The following JAKMIP1 variants were observed in gnomAD, a reference collection of about 807,000 sequenced individuals.
JAKMIP1 encodes janus kinase and microtubule interacting protein 1, also known as janus kinase and microtubule-interacting protein 1.
Under a neutral mutation model 113.0 loss-of-function variants are expected in JAKMIP1, and 33 were observed. The ratio of observed to expected loss-of-function variants is 0.29; its 90% CI spans 0.22 to 0.39. JAKMIP1 has a LOEUF of 0.39. Among genes scored for constraint, JAKMIP1 ranks in the 10% least tolerant of loss-of-function variants. The pLI, the probability that JAKMIP1 is intolerant of heterozygous loss-of-function variation, is 1.00. For synonymous variants in JAKMIP1, 480 were observed against 459.9 expected, an observed-to-expected ratio of 1.04 and a Z score of -0.56; for missense variants, 813 against 1,080.5, an observed-to-expected ratio of 0.75 and a Z score of 3.47.
At chr4:6,029,316 T>G (rs960224351) in intron 20 of JAKMIP1, among the ~76,000 whole-genome samples, 1 of 152,342 alleles carries the variant, frequency 6.6e-6, no homozygotes, top group Non-Finnish European at 1.5e-5. Context: ...GCGACTGGTC[T>G]GGGGCTCATA....
chr4:6,028,945 T>C (rs1214249267), intron 20 of JAKMIP1, among the ~76,000 whole-genome samples: 1 of 152,226 alleles, frequency 6.6e-6, no homozygotes, highest in African/African-American at 2.4e-5. Context: ...CTGTCTTGAA[T>C]GAAGAGATGC....
intron 3 of JAKMIP1, among the ~76,000 whole-genome samples, chr4:6,090,757 G>A (rs76311184): frequency 2.0e-5 from 3 of 151,612 alleles, no homozygotes; most frequent in South Asian, 2.1e-4. Flanking sequence ...CTAGAGCATC[G>A]CTGCCCCAGG....
chr4:6,038,246 G>T (rs1463748106), intron 18 of JAKMIP1, among the ~76,000 whole-genome samples: 2 of 149,922 alleles, frequency 1.3e-5, no homozygotes, highest in Non-Finnish European at 3.0e-5. Context: ...CGAGGCAGAG[G>T]TTAACCCAGT....
At chr4:6,159,652 A>T (rs1474263387) in intron 1 of JAKMIP1, among the ~76,000 whole-genome samples, 1 of 152,234 alleles carries the variant, frequency 6.6e-6, no homozygotes, top group East Asian at 1.9e-4. Flanking sequence ...CACTCATCAC[A>T]TTGGCAAAAA....
At position 6,069,262 on chromosome 4, in the gene JAKMIP1, T is replaced by G. The variant is rs73073462; in HGVS notation, c.1303-4254A>C. Among the ~76,000 whole-genome samples the G allele has an allele frequency of 0.012, 1,767 of 152,292 alleles. 45 individuals carry two copies. Among genetic ancestry groups the G allele is most frequent in the African/African-American group, 0.04 (1,666 of 41,566 alleles). ...AAACATGAAAGAAACTTCATTTTTT[T>G]GTGTCTCCACTCTTCTAAGAGTCTC... On this transcript the variant is annotated intron_variant, in intron 8 of 20. Coordinates refer to ENST00000409021, the MANE Select transcript of JAKMIP1 (RefSeq NM_001099433.2). The surrounding 1 kb of genome is among the most constrained non-coding windows in gnomAD (Gnocchi z 4.5).
intron 1 of JAKMIP1, among the ~76,000 whole-genome samples, chr4:6,195,934 C>A (rs1578530622): frequency 6.6e-6 from 1 of 152,350 alleles, no homozygotes; most frequent in East Asian, 1.9e-4. Flanking sequence ...TTTACAAAAG[C>A]CCCTGGCATA....
chr4:6,043,024 C>A (rs948802026), intron 16 of JAKMIP1, among the ~76,000 whole-genome samples: 1 of 151,894 alleles, frequency 6.6e-6, no homozygotes, highest in Non-Finnish European at 1.5e-5. Context: ...TACGAGGAGC[C>A]CCTAAAACGG....
chr4:6,041,371 C>T (rs1714294618), intron 17 of JAKMIP1, among the ~76,000 whole-genome samples: 1 of 152,140 alleles, frequency 6.6e-6, no homozygotes. Context: ...GAGTAGAAAC[C>T]CAGGCCTTCT....
At position 6,112,764 on chromosome 4, in the gene JAKMIP1, C is replaced by T. The variant is rs779172118; in HGVS notation, c.87G>A (p.Lys29=). ...VQMANEELRA[K]LTSIQIEFQQ... is the part of the protein sequence containing the mutation. ...GGAACTCGATCTGAATGCTGGTCAGCTTGGCCCGCAGCTCCTCGTTGGCCA... is the reference window on the plus strand; with the variant it reads ...GGAACTCGATCTGAATGCTGGTCAGTTTGGCCCGCAGCTCCTCGTTGGCCA... Residue 29 remains lysine, a synonymous_variant, in exon 2 of 21, where the codon AAG becomes AAA. Transcript: ENST00000409021. 1 of 1,614,118 alleles carries T rather than the reference C, an allele frequency of 6.2e-7. No individual in the cohort carries two copies. Among genetic ancestry groups the T allele is most frequent in the Non-Finnish European group, 8.5e-7 (1 of 1,180,040 alleles).
In JAKMIP1 at chr4:6,179,039, G is replaced by A. The variant is rs182213262; in HGVS notation, c.-148+21214C>T. Among the ~76,000 whole-genome samples, 11 of 152,324 alleles carry A rather than the reference G, an allele frequency of 7.2e-5. No individual in the cohort carries two copies. The highest frequency in any genetic ancestry group is 8.8e-5 in the Non-Finnish European group (6 of 68,026). ...ACAAAGCTGGTATAGCATATTCCCA[G>A]GAAAAAATAAAACTGGGCTATATGT... On this transcript the variant is annotated intron_variant, in intron 1 of 20. Transcript: ENST00000409021. The surrounding 1 kb of genome is among the most constrained non-coding windows in gnomAD (Gnocchi z 4.5).
At position 6,049,698 on chromosome 4, in the gene JAKMIP1, T is replaced by C; in HGVS notation, c.1962+121A>G. On this transcript the variant is annotated intron_variant, in intron 15 of 20. Coordinates refer to ENST00000409021, the MANE Select transcript of JAKMIP1 (RefSeq NM_001099433.2). The surrounding 1 kb of genome is among the most constrained non-coding windows in gnomAD (Gnocchi z 7.0). ...AACACGGCCATACAAAAGCCTTACA[T>C]TGTACTTCTTAGATCTCTTACATCA... The C allele has an allele frequency of 1.3e-6, 1 of 761,846 alleles. No individual in the cohort carries two copies. The highest frequency in any genetic ancestry group is 2.2e-6 in the Non-Finnish European group (1 of 452,480). 47.2% of individuals were successfully genotyped at this position (761,846 alleles called of 1,614,324 possible). A position where few individuals can be genotyped will look rare whatever the true frequency, so the allele number is the denominator to read the frequency against.
intron 1 of JAKMIP1, among the ~76,000 whole-genome samples, chr4:6,164,481 C>T (rs1332482352): frequency 6.6e-6 from 1 of 152,166 alleles, no homozygotes; most frequent in Admixed American, 6.5e-5. Flanking sequence ...TGCTAACACA[C>T]CATCCATTCT....
rs1186368025 is a variant in JAKMIP1, at chr4:6,185,577, G to A, written c.-148+14676C>T. Among the ~76,000 whole-genome samples the A allele has an allele frequency of 3.9e-5, 6 of 152,304 alleles. No individual in the cohort carries two copies. The East Asian group carries it at 1.2e-3, about 29-fold the overall frequency. On this transcript the variant is annotated intron_variant, in intron 1 of 20. Transcript: ENST00000409021. The surrounding 1 kb of genome is among the most constrained non-coding windows in gnomAD (Gnocchi z 5.3). ...GCAGGAGAATGGCGTGAACCTGGGA[G>A]GCGGAGCTTGCAGTGAGCTGAGATC...
chr4:6,174,371 T>A (rs149060332), intron 1 of JAKMIP1, among the ~76,000 whole-genome samples: 35 of 152,288 alleles, frequency 2.3e-4, no homozygotes, highest in African/African-American at 6.7e-4. Context: ...AGGTGTGACA[T>A]ATGATAAGGG....
In JAKMIP1 at chr4:6,050,844, T is replaced by C. The variant is rs1715571058; in HGVS notation, c.1807-165A>G. Among the ~76,000 whole-genome samples the C allele has an allele frequency of 6.6e-6, 1 of 152,234 alleles. No homozygotes were observed. The highest frequency in any genetic ancestry group is 6.5e-5 in the Admixed American group (1 of 15,286). Reference sequence around the variant, plus strand: ...GCCTCGTCCGTGAGCTACGACGTTTTCACGCCTTCCCACGCAGCAGTTCTC... The same window carrying C: ...GCCTCGTCCGTGAGCTACGACGTTTCCACGCCTTCCCACGCAGCAGTTCTC... On this transcript the variant is annotated intron_variant, in intron 13 of 20. Coordinates refer to ENST00000409021, the MANE Select transcript of JAKMIP1 (RefSeq NM_001099433.2). The surrounding 1 kb of genome is among the most constrained non-coding windows in gnomAD (Gnocchi z 7.4).
At chr4:6,036,719 A>T (rs1713495531) in intron 18 of JAKMIP1, among the ~76,000 whole-genome samples, 1 of 152,240 alleles carries the variant, frequency 6.6e-6, no homozygotes, top group Non-Finnish European at 1.5e-5. Flanking sequence ...ACTCGTTTTC[A>T]CAGCAAGACA....
rs71984154 is a variant in JAKMIP1, at chr4:6,139,055, A to AACACACAC, written c.-147-26066_-147-26059dup. Among the ~76,000 whole-genome samples the AACACACAC allele has an allele frequency of 4.0e-4, 41 of 103,492 alleles. No homozygotes were observed. The highest frequency in any genetic ancestry group is 9.0e-4 in the African/African-American group (31 of 34,578). The allele number at this position is 103,492 out of a possible 152,430, so 67.9% of individuals were successfully genotyped here. ...ATTGTTTGCATGTGACATCATTAGA[A>AACACACAC]ACACACACACACACACACACACACA... is the stretch of plus-strand genomic sequence containing the variant. On this transcript the variant is annotated intron_variant, in intron 1 of 20. Transcript: ENST00000409021. This position sits in a 1 kb window ranked among gnomAD's most constrained non-coding sequence, Gnocchi z 5.2.
chr4:6,110,521 G>A (rs1296676108), intron 2 of JAKMIP1, among the ~76,000 whole-genome samples: 1 of 150,668 alleles, frequency 6.6e-6, no homozygotes, highest in Non-Finnish European at 1.5e-5. Flanking sequence ...GTAACACGGG[G>A]GAAGCCACAC....
rs947754235 is a variant in JAKMIP1 at position 6,194,183 on chromosome 4, C to T, written c.-148+6070G>A. Among the ~76,000 whole-genome samples, 7 of 151,852 alleles carry T rather than the reference C, an allele frequency of 4.6e-5. No individual in the cohort carries two copies. Among genetic ancestry groups the T allele is most frequent in the African/African-American group, 1.5e-4 (6 of 41,334 alleles). Reference sequence around the variant, plus strand: ...CTGCCCATGGGCACAGGGTTTGTTCCGGAGGGAGGAAAATGTTTTGCAGCT... The same window carrying T: ...CTGCCCATGGGCACAGGGTTTGTTCTGGAGGGAGGAAAATGTTTTGCAGCT... On this transcript the variant is annotated intron_variant, in intron 1 of 20. Transcript: ENST00000409021. The surrounding 1 kb of genome is among the most constrained non-coding windows in gnomAD (Gnocchi z 7.4).
Sources: allele counts gnomAD v4.1 joint callset (sites outside exome capture counted in the v4.1 genomes callset), GRCh38; gene constraint gnomAD v4.1.1; non-coding constraint Gnocchi (gnomAD v3.1); transcripts MANE v1.5; gene names NCBI Gene and HGNC (gene_info 2026-07-23, HGNC 2026-07-21).